The following SLFN11 variants were observed in gnomAD, a reference collection of about 807,000 sequenced individuals.
The protein encoded by SLFN11 is schlafen family member 11.
SLFN11 carries 43 observed loss-of-function variants against 53.4 expected under a neutral mutation model. The ratio of observed to expected loss-of-function variants is 0.80; its 90% CI spans 0.63 to 1.04. The LOEUF (loss-of-function observed/expected upper bound fraction) is 1.04, where lower values mean the gene tolerates loss of function less well. SLFN11 is among the 50% of genes least tolerant of loss of function. SLFN11 has a pLI of 0.00. For synonymous variants in SLFN11, 389 were observed against 394.7 expected, an observed-to-expected ratio of 0.99 and a Z score of 0.17; for missense variants, 990 against 1,079.1, an observed-to-expected ratio of 0.92 and a Z score of 1.16.
intron 5 of SLFN11, among the ~76,000 whole-genome samples, chr17:35,358,038 T>C (rs1907750864): frequency 6.7e-6 from 1 of 149,934 alleles, no homozygotes; most frequent in Non-Finnish European, 1.5e-5. Flanking sequence ...CTTTTTAAAA[T>C]TGATATATAA....
rs775406951 is a variant in SLFN11 at position 35,352,997 on chromosome 17, G to A, written c.2065C>T (p.Arg689Trp). The A allele has an allele frequency of 1.4e-5, 22 of 1,614,020 alleles. No individual in the cohort carries two copies. The highest frequency in any genetic ancestry group is 1.1e-4 in the South Asian group (10 of 91,084). The change falls in exon 7 of 7, where the codon CGG becomes TGG. Residue 689 changes from arginine to tryptophan, a missense_variant. By Grantham distance (101) the Arg-to-Trp change is moderately radical (BLOSUM62 -3). Coordinates refer to ENST00000685675, the MANE Select transcript of SLFN11 (RefSeq NM_001376007.1). ...DWYGKAKSITRRAKGGPGILW... is the reference protein window; with the variant it reads ...DWYGKAKSITWRAKGGPGILW... ...ATTCCTGGGCCACCCTTTGCTCTCCGAGTGATGCTTTTTGCCTTCCCATAC... is the reference window on the plus strand; with the variant it reads ...ATTCCTGGGCCACCCTTTGCTCTCCAAGTGATGCTTTTTGCCTTCCCATAC...
chr17:35,372,482 G>A (rs1909811183), intron 1 of SLFN11, among the ~76,000 whole-genome samples: 2 of 152,066 alleles, frequency 1.3e-5, no homozygotes, highest in Admixed American at 1.3e-4. Flanking sequence ...AACTCAAAGG[G>A]TAAATGCTTG....
At chr17:35,365,557 G>A (rs543194548) in intron 3 of SLFN11, among the ~76,000 whole-genome samples, 62 of 152,194 alleles carry the variant, frequency 4.1e-4, no homozygotes, top group African/African-American at 1.4e-3. Context: ...GCCTCCCAAA[G>A]TGCTAGGGAT....
rs1422694915 is a variant in SLFN11, at chr17:35,351,389, CACAA to C, written c.*963_*966del. 6.6e-6 allele frequency: 1 copy of C among 151,928 alleles called. No homozygotes were observed. The highest frequency in any genetic ancestry group is 1.5e-5 in the Non-Finnish European group (1 of 68,008). 9.4% of individuals were successfully genotyped at this position (151,928 alleles called of 1,614,324 possible). A position where few individuals can be genotyped will look rare whatever the true frequency, so the allele number is the denominator to read the frequency against. ...GGGAATTTGGGGGTGAAGGGTGGGA[CACAA>C]ACATTCAGTCCATAACAATGGCCCA... On this transcript the variant is annotated 3_prime_UTR_variant, in exon 7 of 7. Coordinates refer to ENST00000685675, the MANE Select transcript of SLFN11 (RefSeq NM_001376007.1).
intron 1 of SLFN11, among the ~76,000 whole-genome samples, chr17:35,372,929 A>T (rs966154692): frequency 6.6e-6 from 1 of 151,902 alleles, no homozygotes; most frequent in Non-Finnish European, 1.5e-5. Context: ...CATTTTTCTC[A>T]TTTCTCCCCC....
chr17:35,362,787 T>C lies in SLFN11; in HGVS notation c.1021A>G (p.Ser341Gly). 6.2e-7 allele frequency: 1 copy of C among 1,601,656 alleles called. No individual in the cohort carries two copies. Among genetic ancestry groups the C allele is most frequent in the Non-Finnish European group, 8.5e-7 (1 of 1,174,412 alleles). Residue 341 changes from serine (S) to glycine (G), a missense_variant, in exon 4 of 7, where the codon AGC becomes GGC. Ser to Gly is a moderately conservative substitution (Grantham distance 56). Coordinates refer to ENST00000685675, the MANE Select transcript of SLFN11 (RefSeq NM_001376007.1). Reference protein sequence around the residue: ...SWIVEDKYVCSLTTEKWVGMM... With the variant: ...SWIVEDKYVCGLTTEKWVGMM... ...CCTACCCATTTCTCGGTTGTCAGGC[T>C]GCAGACGTACTTGTCCTCCACTATC...
At chr17:35,355,929 T>A in intron 5 of SLFN11, among the ~76,000 whole-genome samples, 1 of 152,140 alleles carries the variant, frequency 6.6e-6, no homozygotes, top group East Asian at 1.9e-4. Context: ...TTCTGGGAAC[T>A]AATTTCACCA....
In SLFN11 at chr17:35,353,535, T is replaced by A. The variant is rs1197126228; in HGVS notation, c.1723A>T (p.Asn575Tyr). 1.4e-6 allele frequency: 2 copies of A among 1,407,484 alleles called. No individual in the cohort carries two copies. Among genetic ancestry groups the A allele is most frequent in the African/African-American group, 3.1e-5 (2 of 63,834 alleles). 87.2% of individuals were successfully genotyped at this position (1,407,484 alleles called of 1,614,324 possible). A position where few individuals can be genotyped will look rare whatever the true frequency, so the allele number is the denominator to read the frequency against. ...LSDQLGCEVL[N>Y]LLTAQQYEIF... ...TCATACTGCTGGGCTGTGAGCAGAT[T>A]TAAAACCTCACAGCCGAGCTGGTCA... Residue 575 changes from asparagine (N) to tyrosine (Y), a missense_variant, in exon 6 of 7, where the codon AAT (asparagine) becomes TAT (tyrosine). Asn to Tyr is a moderately radical substitution (Grantham distance 143, BLOSUM62 -2). Coordinates refer to ENST00000685675, the MANE Select transcript of SLFN11 (RefSeq NM_001376007.1).
chr17:35,352,633 G>A lies in SLFN11; in HGVS notation c.2429C>T (p.Ala810Val), dbSNP rs567083866. 1 of 1,614,182 alleles carries A rather than the reference G, an allele frequency of 6.2e-7. No homozygotes were observed. Among genetic ancestry groups the A allele is most frequent in the Admixed American group, 1.7e-5 (1 of 60,022 alleles). ...TTCTTTTGCGGTGCTGACAAGCACAGCAACATCCTTTGGAGAATAGCCCCT... is the reference window on the plus strand; with the variant it reads ...TTCTTTTGCGGTGCTGACAAGCACAACAACATCCTTTGGAGAATAGCCCCT... ...FDRGYSPKDV[A>V]VLVSTAKEVE... Residue 810 changes from alanine to valine, a missense_variant, in exon 7 of 7, where the codon GCT becomes GTT. Coordinates refer to ENST00000685675, the MANE Select transcript of SLFN11 (RefSeq NM_001376007.1).
At position 35,362,885 on chromosome 17, in the gene SLFN11, A is replaced by G. The variant is rs201730769; in HGVS notation, c.923T>C (p.Leu308Pro). ...TCTGATCATGCAAGCATAGCCATAG[A>G]GCTCTCCCCTTTTTAACACATTCAC... is the stretch of plus-strand genomic sequence containing the variant. ...KIVNVLKRGE[L>P]YGYACMIRVN... Residue 308 changes from leucine to proline, a missense_variant, in exon 4 of 7, where the codon CTC (leucine) becomes CCC (proline). Physicochemically the swap from Leu to Pro is moderately conservative, Grantham distance 98. This residue lies in a region of SLFN11 where 521 missense variants were observed against 516.2 expected (regional missense o/e 1.01). Transcript: ENST00000685675. 10 of 1,613,930 alleles carry G rather than the reference A, an allele frequency of 6.2e-6. No individual in the cohort carries two copies. The African/African-American group carries it at 1.2e-4, about 19-fold the overall frequency.
intron 1 of SLFN11, among the ~76,000 whole-genome samples, chr17:35,368,240 G>T (rs998890331): frequency 6.6e-6 from 1 of 152,038 alleles, no homozygotes; most frequent in African/African-American, 2.4e-5. Context: ...AAATGGGAGG[G>T]CAGAACAAGA....
At chr17:35,356,014 G>A (rs1317455740) in intron 5 of SLFN11, among the ~76,000 whole-genome samples, 1 of 152,108 alleles carries the variant, frequency 6.6e-6, no homozygotes, top group Admixed American at 6.5e-5. Flanking sequence ...AAATCAATCA[G>A]GTGAGGTATC....
At chr17:35,365,829 A>T (rs543072523) in intron 3 of SLFN11, among the ~76,000 whole-genome samples, 111 of 152,310 alleles carry the variant, frequency 7.3e-4, no homozygotes, top group African/African-American at 2.3e-3. Flanking sequence ...AAAATATTTT[A>T]AAAACTGTAA....
At chr17:35,353,223 G>A in intron 6 of SLFN11, 84 bp from the exon 7 acceptor site, 3 of 1,596,390 alleles carry the variant, frequency 1.9e-6, no homozygotes, top group East Asian at 4.5e-5. Context: ...TCCGAGCACA[G>A]TACATTACCA....
chr17:35,352,373 G>GA lies in SLFN11; in HGVS notation c.2688dup (p.Pro897SerfsTer16). On this transcript the variant is annotated frameshift_variant, in exon 7 of 7. Coordinates refer to ENST00000685675, the MANE Select transcript of SLFN11 (RefSeq NM_001376007.1). LOFTEE classifies it low-confidence loss of function (END_TRUNC). The stretch of plus-strand genomic sequence containing the variant: ...AGTTCTTCCTAATGGCCACCCCACG[G>GA]AAAAATATACAGGTGTTGTTTTGCC... 2.5e-6 allele frequency: 4 copies of GA among 1,613,728 alleles called. No homozygotes were observed. The highest frequency in any genetic ancestry group is 3.4e-6 in the Non-Finnish European group (4 of 1,179,640).
intron 1 of SLFN11, among the ~76,000 whole-genome samples, chr17:35,369,341 G>A (rs1567828623): frequency 6.6e-6 from 1 of 152,096 alleles, no homozygotes; most frequent in South Asian, 2.1e-4. Context: ...CTGTGAACCC[G>A]TGGTTGTGTT....
chr17:35,352,929 A>G lies in SLFN11; in HGVS notation c.2133T>C (p.Asp711=), dbSNP rs1432449235. Residue 711 remains aspartate, a synonymous_variant, in exon 7 of 7, where the codon GAT becomes GAC. Transcript: ENST00000685675. The part of the protein sequence containing the change: ...FLDYFQTSHL[D]CSGLPPLSDQ... Reference sequence around the variant, plus strand: ...CTGAGAGAGGAGGGAGGCCACTGCAATCCAAGTGGCTGGTCTGAAAGTAAT... The same window carrying G: ...CTGAGAGAGGAGGGAGGCCACTGCAGTCCAAGTGGCTGGTCTGAAAGTAAT... 7 of 1,614,186 alleles carry G rather than the reference A, an allele frequency of 4.3e-6. No homozygotes were observed. The South Asian group carries it at 7.7e-5, about 18-fold the overall frequency.
chr17:35,369,805 A>T (rs968499002), intron 1 of SLFN11, among the ~76,000 whole-genome samples: 1 of 152,130 alleles, frequency 6.6e-6, no homozygotes, highest in Non-Finnish European at 1.5e-5. Flanking sequence ...ACCTACCAAG[A>T]TTGAACCATG....
intron 4 of SLFN11, among the ~76,000 whole-genome samples, chr17:35,361,950 G>A (rs1268180871): frequency 1.3e-5 from 2 of 151,768 alleles, no homozygotes; most frequent in Admixed American, 6.6e-5. Flanking sequence ...TCACCATATT[G>A]GTCTTGAACT....
Sources: allele counts gnomAD v4.1 joint callset (sites outside exome capture counted in the v4.1 genomes callset), GRCh38; gene constraint gnomAD v4.1.1; regional missense constraint gnomAD v4.1.1; transcripts MANE v1.5; gene names NCBI Gene and HGNC (gene_info 2026-07-23, HGNC 2026-07-21).